MYO5A: variants seen among roughly 807,000 people sequenced by gnomAD.
MYO5A encodes unconventional myosin-Va.
Under a neutral mutation model 249.7 loss-of-function variants are expected in MYO5A, and 98 were observed. The observed-to-expected ratio is 0.39, with a 90% CI of 0.33 to 0.46. MYO5A has a LOEUF of 0.46. Ranked by LOEUF, MYO5A falls within the 20% of genes least tolerant of loss-of-function variation. The pLI is 0.98. For missense variants in MYO5A, 1,696 were observed against 2,308.8 expected, an observed-to-expected ratio of 0.73 and a Z score of 5.44; for synonymous variants, 778 against 810.6, an observed-to-expected ratio of 0.96 and a Z score of 0.68.
intron 4 of MYO5A, among the ~76,000 whole-genome samples, chr15:52,423,562 A>AAAAAAG (rs1555448853): frequency 1.0e-3 from 156 of 149,226 alleles, no homozygotes; most frequent in Admixed American, 3.5e-3. Context: ...AAAAAAAAAA[A>AAAAAAG]AAAAGAAAAC....
intron 3 of MYO5A, among the ~76,000 whole-genome samples, chr15:52,426,722 G>T (rs147913395): frequency 4.6e-4 from 70 of 152,230 alleles, no homozygotes; most frequent in Non-Finnish European, 6.0e-4. Context: ...AGCCTCCCAA[G>T]GTGCTGGGAT....
At position 52,360,020 on chromosome 15, in the gene MYO5A, T is replaced by G. The variant is rs545143802; in HGVS notation, c.3371A>C (p.Tyr1124Ser). The change falls in exon 25 of 42, where the codon TAT becomes TCT. Residue 1124 changes from tyrosine to serine, a missense_variant. Tyr to Ser is a moderately radical substitution (Grantham distance 144). Transcript: ENST00000399233. ...TTCTGCAATTTCAGAGCTAAAGATA[T>G]ATTCAGACTCGTTGCTGCTGTGGGT... ...DSTHSSNESE[Y>S]IFSSEIAEME... is the part of the protein sequence containing the mutation. 1.9e-6 allele frequency: 3 copies of G among 1,613,830 alleles called. No homozygotes were observed. The Admixed American group carries it at 5.0e-5, about 27-fold the overall frequency.
chr15:52,499,460 G>A (rs1003808219), intron 1 of MYO5A, among the ~76,000 whole-genome samples: 1 of 152,004 alleles, frequency 6.6e-6, no homozygotes, highest in African/African-American at 2.4e-5. Flanking sequence ...TTCCAAAACC[G>A]AAACTCCATA....
chr15:52,433,708 C>T (rs2075594408), intron 1 of MYO5A, among the ~76,000 whole-genome samples: 1 of 151,900 alleles, frequency 6.6e-6, no homozygotes, highest in Non-Finnish European at 1.5e-5. Context: ...AGGTGTGAGC[C>T]ACCACGTCCA....
intron 1 of MYO5A, among the ~76,000 whole-genome samples, chr15:52,437,856 G>C (rs2075700367): frequency 6.6e-6 from 1 of 152,170 alleles, no homozygotes; most frequent in Non-Finnish European, 1.5e-5. Context: ...CCAAGGGCTA[G>C]ATGTTAACAA....
chr15:52,476,459 C>G (rs556247297), intron 1 of MYO5A, among the ~76,000 whole-genome samples: 1 of 152,110 alleles, frequency 6.6e-6, no homozygotes, highest in Non-Finnish European at 1.5e-5. Flanking sequence ...TTATTTTGCT[C>G]GTTAGTTGAT....
At chr15:52,400,630 A>T (rs2042707910) in intron 9 of MYO5A, among the ~76,000 whole-genome samples, 1 of 151,824 alleles carries the variant, frequency 6.6e-6, no homozygotes, top group Admixed American at 6.6e-5. Flanking sequence ...CTTTTTGAAG[A>T]CTCCTTCAGT....
intron 4 of MYO5A, among the ~76,000 whole-genome samples, chr15:52,421,206 T>C (rs1158170237): frequency 6.6e-6 from 1 of 152,134 alleles, no homozygotes; most frequent in Non-Finnish European, 1.5e-5. Flanking sequence ...GATTTTGTCA[T>C]CTCTAATAGT....
chr15:52,478,216 G>A (rs558611236), intron 1 of MYO5A, among the ~76,000 whole-genome samples: 31 of 152,350 alleles, frequency 2.0e-4, no homozygotes, highest in South Asian at 8.3e-4. Flanking sequence ...CGAGCCAGGC[G>A]CGGGATATAA....
At chr15:52,334,846 G>C (rs536304967) in intron 34 of MYO5A, among the ~76,000 whole-genome samples, 1 of 152,256 alleles carries the variant, frequency 6.6e-6, no homozygotes, top group South Asian at 2.1e-4. Flanking sequence ...AAAAGATGTC[G>C]GCCAAATTGT....
At chr15:52,473,047 G>A (rs11858378) in intron 1 of MYO5A, among the ~76,000 whole-genome samples, 23,056 of 152,048 alleles carry the variant, frequency 0.15, 1,866 homozygotes, top group Middle Eastern at 0.22. Context: ...CATTCTCTCC[G>A]GCACCTGTTG....
At chr15:52,399,101 T>C (rs1408137497) in intron 9 of MYO5A, among the ~76,000 whole-genome samples, 1 of 152,202 alleles carries the variant, frequency 6.6e-6, no homozygotes, top group African/African-American at 2.4e-5. Context: ...TCAAGATTGT[T>C]AACTGTTTGG....
intron 1 of MYO5A, among the ~76,000 whole-genome samples, chr15:52,495,813 C>T (rs936659278): frequency 1.2e-4 from 19 of 152,240 alleles, no homozygotes; most frequent in Admixed American, 9.8e-4. Context: ...TTCAAAAACT[C>T]TACCTCTAGT....
intron 22 of MYO5A, among the ~76,000 whole-genome samples, chr15:52,367,870 AAC>A (rs3985806): frequency 0.065 from 9,228 of 141,700 alleles, 287 homozygotes; most frequent in South Asian, 0.12. Context: ...TATATTTTAA[AAC>A]ACACACACAC....
chr15:52,343,255 G>C, intron 30 of MYO5A, 58 bp from the exon 31 acceptor site: 1 of 1,389,568 alleles, frequency 7.2e-7, no homozygotes, highest in Middle Eastern at 1.8e-4. Context: ...TGCTGATGAG[G>C]TGACGATGGT....
intron 4 of MYO5A, among the ~76,000 whole-genome samples, chr15:52,421,196 G>T (rs2043772862): frequency 6.6e-6 from 1 of 152,184 alleles, no homozygotes; most frequent in Admixed American, 6.5e-5. Context: ...AAACAGAAGA[G>T]ATTTTGTCAT....
chr15:52,442,495 T>C (rs189551132), intron 1 of MYO5A, among the ~76,000 whole-genome samples: 1 of 152,338 alleles, frequency 6.6e-6, no homozygotes, highest in East Asian at 1.9e-4. Context: ...CAACCAACTC[T>C]GCTTGACAGG....
At chr15:52,472,753 T>C (rs1390561459) in intron 1 of MYO5A, among the ~76,000 whole-genome samples, 1 of 152,250 alleles carries the variant, frequency 6.6e-6, no homozygotes, top group Non-Finnish European at 1.5e-5. Flanking sequence ...TAGTATTCCA[T>C]GGTATACATG....
rs1465963615 is a variant in MYO5A, at chr15:52,428,682, T to C, written c.139-113A>G. The C allele has an allele frequency of 1.2e-5, 13 of 1,106,998 alleles. No homozygotes were observed. In the Admixed American group the frequency reaches 1.9e-4, roughly 16 times the overall value. 68.6% of individuals were successfully genotyped at this position (1,106,998 alleles called of 1,614,324 possible). The stretch of plus-strand genomic sequence containing the variant: ...ATTTGCTTCTCAGCTATTAAATGCA[T>C]TATTTTCCTAGCACCTTCCAATATC... On this transcript the variant is annotated intron_variant, in intron 2 of 41. Transcript: ENST00000399233.
Sources: allele counts gnomAD v4.1 joint callset (sites outside exome capture counted in the v4.1 genomes callset), GRCh38; gene constraint gnomAD v4.1.1; transcripts MANE v1.5; gene names NCBI Gene and HGNC (gene_info 2026-07-23, HGNC 2026-07-21).